The following ARHGAP21 variants were observed in gnomAD, a reference collection of about 807,000 sequenced individuals.
ARHGAP21 encodes Rho GTPase activating protein 21, also known as rho GTPase-activating protein 21.
Under a neutral mutation model 164.6 loss-of-function variants are expected in ARHGAP21, and 38 were observed. The observed-to-expected ratio is 0.23, with a 90% CI of 0.18 to 0.30. The LOEUF is 0.30. Ranked by LOEUF, ARHGAP21 falls within the 10% of genes least tolerant of loss-of-function variation. The probability of loss-of-function intolerance (pLI) is 1.00; values close to 1 mark genes in which losing one functional copy is unlikely to be tolerated. For missense variants in ARHGAP21, 1,822 were observed against 2,370.7 expected (o/e 0.77, Z 4.81); for synonymous variants, 766 against 857.9 (o/e 0.89, Z 1.87).
chr10:24,604,062 T>TGGG (rs1432011231), intron 12 of ARHGAP21, among the ~76,000 whole-genome samples: 2 of 82,596 alleles, frequency 2.4e-5, no homozygotes, highest in African/African-American at 9.1e-5. Context: ...TGGGGGGTGT[T>TGGG]GGGGGGAAGC....
intron 4 of ARHGAP21, among the ~76,000 whole-genome samples, chr10:24,637,470 G>T (rs1836497523): frequency 6.6e-6 from 1 of 152,188 alleles, no homozygotes. Flanking sequence ...TAATAAAAGA[G>T]AAGAGACATT....
intron 7 of ARHGAP21, among the ~76,000 whole-genome samples, chr10:24,623,254 AAGATTC>A (rs1483617001): frequency 1.3e-5 from 2 of 152,172 alleles, no homozygotes; most frequent in African/African-American, 4.8e-5. Context: ...CCTTTACACT[AAGATTC>A]AGGGGGGAAA....
intron 4 of ARHGAP21, among the ~76,000 whole-genome samples, chr10:24,637,605 C>T (rs895603041): frequency 6.6e-6 from 1 of 152,112 alleles, no homozygotes; most frequent in African/African-American, 2.4e-5. Context: ...GGTAGCAATG[C>T]GATGACTTCT....
intron 4 of ARHGAP21, among the ~76,000 whole-genome samples, chr10:24,659,388 T>C (rs1046050132): frequency 6.6e-6 from 1 of 152,222 alleles, no homozygotes; most frequent in Non-Finnish European, 1.5e-5. Context: ...GGATCTCGGC[T>C]CACTGCAATC....
rs1350826409 is a variant in ARHGAP21, at chr10:24,585,960, C to G, written c.4329G>C (p.Lys1443Asn). ...TGTGACACTGTTCCACATTTTCTTT[C>G]TTAAAAAATACATTGTCCAGTTCAT... ...SEDELDNVFF[K>N]KENVEQCHND... Residue 1443 changes from lysine (K) to asparagine (N), a missense_variant, in exon 26 of 26, where the codon AAG becomes AAC. By Grantham distance (94) the Lys-to-Asn change is moderately conservative. This residue lies in a region of ARHGAP21 where 333 missense variants were observed against 383.9 expected (regional missense o/e 0.87). Coordinates refer to ENST00000396432, the MANE Select transcript of ARHGAP21 (RefSeq NM_020824.4). 6.2e-6 allele frequency: 10 copies of G among 1,614,112 alleles called. No homozygotes were observed. The highest frequency in any genetic ancestry group is 5.0e-5 in the Admixed American group (3 of 60,020).
At chr10:24,633,625 G>T in intron 5 of ARHGAP21, 145 bp from the exon 6 acceptor site, 2 of 483,782 alleles carry the variant, frequency 4.1e-6, no homozygotes, top group South Asian at 4.1e-5. Flanking sequence ...AAAATTATTA[G>T]TATCATAATT....
intron 3 of ARHGAP21, among the ~76,000 whole-genome samples, chr10:24,668,510 T>G (rs183670924): frequency 6.3e-4 from 96 of 152,340 alleles, no homozygotes; most frequent in African/African-American, 2.1e-3. Context: ...TGCCCTGAGC[T>G]GCATGAGCTG....
chr10:24,713,222 C>G (rs1308664155), intron 2 of ARHGAP21, among the ~76,000 whole-genome samples: 1 of 152,016 alleles, frequency 6.6e-6, no homozygotes, highest in African/African-American at 2.4e-5. Context: ...TTAGGTTGTA[C>G]GAAGGGCAAA....
Position 24,585,085 on chromosome 10 carries a change from T to C in ARHGAP21, c.5204A>G (p.Asp1735Gly). ...AGTTGACTTTCCTTTTTTCATAACA[T>C]CAAACACTTTAGTTAACGAAGGTGC... ...KEAPSLTKVF[D>G]VMKKGKSTGS... Residue 1735 changes from aspartate (D) to glycine (G), a missense_variant, in exon 26 of 26, where the codon GAT becomes GGT. By Grantham distance (94) the Asp-to-Gly change is moderately conservative. Around this residue, in one of 5 missense-constraint regions of ARHGAP21, gnomAD observed 117 missense variants for 193.2 expected, o/e 0.61. Transcript: ENST00000396432. 1.9e-6 allele frequency: 3 copies of C among 1,613,800 alleles called. No individual in the cohort carries two copies. The highest frequency in any genetic ancestry group is 2.5e-6 in the Non-Finnish European group (3 of 1,179,836).
chr10:24,619,758 T>G lies in ARHGAP21; in HGVS notation c.2137A>C (p.Asn713His). The G allele has an allele frequency of 1.9e-6, 3 of 1,614,172 alleles. No homozygotes were observed. Among genetic ancestry groups the G allele is most frequent in the Non-Finnish European group, 2.5e-6 (3 of 1,180,044 alleles). Reference protein sequence around the residue: ...SDLELPVSQRNQDLSLQEAET... With the variant: ...SDLELPVSQRHQDLSLQEAET... The stretch of plus-strand genomic sequence containing the variant: ...GCCTCTTGTAAACTTAAATCTTGAT[T>G]CCTTTGACTGACAGGTAGTTCTAAA... The change falls in exon 9 of 26, where the codon AAT becomes CAT. Residue 713 changes from asparagine (N) to histidine (H), a missense_variant. Physicochemically the swap from Asn to His is moderately conservative, Grantham distance 68 (BLOSUM62 1). Transcript: ENST00000396432.
chr10:24,715,232 G>A (rs1845250440), intron 2 of ARHGAP21, among the ~76,000 whole-genome samples: 1 of 151,844 alleles, frequency 6.6e-6, no homozygotes, highest in Admixed American at 6.6e-5. Flanking sequence ...ATAAAAAAGA[G>A]AAAATGTAAA....
At chr10:24,640,920 G>C (rs907792107) in intron 4 of ARHGAP21, among the ~76,000 whole-genome samples, 1 of 152,164 alleles carries the variant, frequency 6.6e-6, no homozygotes, top group Non-Finnish European at 1.5e-5. Flanking sequence ...AATAGGAAAA[G>C]AGTGGCATAA....
chr10:24,663,654 G>A (rs1427284871), intron 4 of ARHGAP21, among the ~76,000 whole-genome samples: 6 of 152,154 alleles, frequency 3.9e-5, no homozygotes, highest in Admixed American at 6.5e-5. Context: ...TCAGCCTCCT[G>A]AGTAGCTGGG....
At chr10:24,593,420 T>C (rs2076424085) in intron 21 of ARHGAP21, among the ~76,000 whole-genome samples, 1 of 152,190 alleles carries the variant, frequency 6.6e-6, no homozygotes, top group South Asian at 2.1e-4. Context: ...GTAAAATTTT[T>C]ACTAGACTCT....
chr10:24,591,109 A>T, intron 24 of ARHGAP21, 116 bp downstream of exon 24: 1 of 1,047,950 alleles, frequency 9.5e-7, no homozygotes, highest in Non-Finnish European at 1.4e-6. Context: ...ATTAGTAGAA[A>T]GGAAGAGAAA....
intron 11 of ARHGAP21, among the ~76,000 whole-genome samples, chr10:24,607,068 C>G (rs2077056623): frequency 6.6e-6 from 1 of 152,088 alleles, no homozygotes; most frequent in African/African-American, 2.4e-5. Context: ...AATCATGAAA[C>G]AGCATGAGCC....
intron 4 of ARHGAP21, among the ~76,000 whole-genome samples, chr10:24,656,190 G>A (rs1417308985): frequency 7.2e-6 from 1 of 139,618 alleles, no homozygotes; most frequent in Non-Finnish European, 1.5e-5. Context: ...CGCCCGGCCA[G>A]CCGCCCCATC....
chr10:24,722,908 G>A (rs546185209), intron 1 of ARHGAP21: 39 of 152,126 alleles, frequency 2.6e-4, no homozygotes, highest in African/African-American at 8.7e-4. Context: ...GCATGATTCT[G>A]GAGCTACACC....
At chr10:24,612,307 T>C (rs1224479647) in intron 9 of ARHGAP21, among the ~76,000 whole-genome samples, 1 of 152,116 alleles carries the variant, frequency 6.6e-6, no homozygotes, top group African/African-American at 2.4e-5. Context: ...CAGAGTAAAC[T>C]ATATATTGCA....
Sources: allele counts gnomAD v4.1 joint callset (sites outside exome capture counted in the v4.1 genomes callset), GRCh38; gene constraint gnomAD v4.1.1; regional missense constraint gnomAD v4.1.1; transcripts MANE v1.5; gene names NCBI Gene and HGNC (gene_info 2026-07-23, HGNC 2026-07-21).